SHTN1: variants seen among roughly 807,000 people sequenced by gnomAD.
SHTN1 encodes shootin 1.
In SHTN1, 42 loss-of-function variants were observed where a neutral mutation model predicts 83.1. The ratio of observed to expected loss-of-function variants is 0.51; its 90% CI spans 0.39 to 0.65. SHTN1 has a LOEUF of 0.65. Ranked by LOEUF, SHTN1 falls within the 30% of genes least tolerant of loss-of-function variation. SHTN1 has a pLI of 0.00. For missense variants in SHTN1, 622 were observed against 737.8 expected (o/e 0.84, Z 1.82); for synonymous variants, 224 against 247.7 (o/e 0.90, Z 0.90).
At chr10:116,932,178 C>A (rs994612362) in intron 9 of SHTN1, among the ~76,000 whole-genome samples, 1 of 152,146 alleles carries the variant, frequency 6.6e-6, no homozygotes, top group Non-Finnish European at 1.5e-5. Flanking sequence ...CATGATCATG[C>A]GAGTAAATAA....
Position 116,884,596 on chromosome 10 carries a change from T to C in SHTN1, c.*1748A>G, listed in dbSNP as rs924442702. The C allele has an allele frequency of 1.5e-5, 3 of 199,566 alleles. No individual in the cohort carries two copies. The highest frequency in any genetic ancestry group is 5.3e-5 in the Admixed American group (1 of 18,786). 12.4% of individuals were successfully genotyped at this position (199,566 alleles called of 1,614,324 possible). A position where few individuals can be genotyped will look rare whatever the true frequency, so the allele number is the denominator to read the frequency against. ...GTACATATTTTTATATTCCTAAATG[T>C]GTGTGAGTTGCATGCTGGCAGACAG... On this transcript the variant is annotated 3_prime_UTR_variant, in exon 17 of 17. Coordinates refer to ENST00000355371, the MANE Select transcript of SHTN1 (RefSeq NM_001127211.3).
chr10:116,899,271 G>A lies in SHTN1; in HGVS notation c.1673+2494C>T, dbSNP rs78044430. Among the ~76,000 whole-genome samples, 220 of 152,250 alleles carry A rather than the reference G, an allele frequency of 1.4e-3. 6 individuals are homozygous for A. In the East Asian group the frequency reaches 0.032, roughly 22 times the overall value. On this transcript the variant is annotated intron_variant, in intron 16 of 16. Transcript: ENST00000355371. The stretch of plus-strand genomic sequence containing the variant: ...GATAACTGCTCTAGGGAGAAATGAC[G>A]TAGGATAAGGGGGAATCAGAGCTTA...
intron 2 of SHTN1, among the ~76,000 whole-genome samples, chr10:116,978,615 G>T (rs1850897502): frequency 6.6e-6 from 1 of 150,566 alleles, no homozygotes; most frequent in African/African-American, 2.4e-5. Context: ...TATATTATTA[G>T]CTATATATAT....
chr10:116,951,989 C>T lies in SHTN1; in HGVS notation c.454G>A (p.Val152Ile), dbSNP rs770621623. 3 of 1,522,936 alleles carry T rather than the reference C, an allele frequency of 2.0e-6. No homozygotes were observed. Among genetic ancestry groups the T allele is most frequent in the Non-Finnish European group, 1.8e-6 (2 of 1,131,352 alleles). The allele number at this position is 1,522,936 out of a possible 1,614,324, so 94.3% of individuals were successfully genotyped here. ...ATCTTCTTTTCCTCCTGAACAGATA[C>T]AATTTGATCTCGAAGTTCTGCATTT... Reference protein sequence around the residue: ...KQIKELRDQIVSVQEEKKILA... With the variant: ...KQIKELRDQIISVQEEKKILA... Residue 152 changes from valine (V) to isoleucine (I), a missense_variant, in exon 6 of 17, where the codon GTA becomes ATA. This residue lies in a region of SHTN1 where 383 missense variants were observed against 455.8 expected (regional missense o/e 0.84). Coordinates refer to ENST00000355371, the MANE Select transcript of SHTN1 (RefSeq NM_001127211.3).
chr10:117,034,954 T>C (rs1852474019), intron 2 of SHTN1, among the ~76,000 whole-genome samples: 2 of 152,104 alleles, frequency 1.3e-5, no homozygotes, highest in East Asian at 1.9e-4. Context: ...CCAATGACAT[T>C]GTTCACAGAA....
intron 1 of SHTN1, among the ~76,000 whole-genome samples, chr10:117,003,446 G>A (rs1310061042): frequency 1.3e-5 from 2 of 150,580 alleles, no homozygotes; most frequent in Non-Finnish European, 2.9e-5. Context: ...GGATATCACA[G>A]AAGAATGTGT....
At chr10:116,937,843 T>C (rs535706314) in intron 9 of SHTN1, among the ~76,000 whole-genome samples, 25 of 152,186 alleles carry the variant, frequency 1.6e-4, no homozygotes, top group African/African-American at 5.8e-4. Flanking sequence ...CCATATTTCT[T>C]GGAGGCTTTG....
At chr10:116,907,233 T>C (rs942191755) in intron 14 of SHTN1, among the ~76,000 whole-genome samples, 1 of 152,140 alleles carries the variant, frequency 6.6e-6, no homozygotes, top group African/African-American at 2.4e-5. Flanking sequence ...CGTGGCGTCG[T>C]AGCTGTCAAA....
At chr10:116,989,872 G>A (rs1419617930) in intron 1 of SHTN1, among the ~76,000 whole-genome samples, 1 of 152,180 alleles carries the variant, frequency 6.6e-6, no homozygotes, top group African/African-American at 2.4e-5. Context: ...ACAGGAGTCT[G>A]TCCCAATTAC....
intron 1 of SHTN1, among the ~76,000 whole-genome samples, chr10:117,084,909 C>T (rs1454999344): frequency 2.0e-5 from 3 of 152,054 alleles, no homozygotes; most frequent in Admixed American, 6.5e-5. Context: ...GCACGGTGCG[C>T]GCCCCCACTG....
At chr10:116,946,246 G>A (rs1187689516) in intron 7 of SHTN1, among the ~76,000 whole-genome samples, 1 of 148,372 alleles carries the variant, frequency 6.7e-6, no homozygotes, top group African/African-American at 2.5e-5. Flanking sequence ...TATATGTAGA[G>A]AGAGTTTTTT....
intron 1 of SHTN1, among the ~76,000 whole-genome samples, chr10:116,993,721 A>G (rs1851526394): frequency 6.6e-6 from 1 of 152,186 alleles, no homozygotes; most frequent in African/African-American, 2.4e-5. Flanking sequence ...TTAAACAGAT[A>G]CAGCAGGATA....
At chr10:117,058,790 A>G (rs557328570) in intron 1 of SHTN1, among the ~76,000 whole-genome samples, 1 of 152,264 alleles carries the variant, frequency 6.6e-6, no homozygotes, top group Non-Finnish European at 1.5e-5. Flanking sequence ...ATATACATAC[A>G]GTGGAATACT....
intron 4 of SHTN1, among the ~76,000 whole-genome samples, chr10:116,958,182 A>G (rs1589843027): frequency 6.6e-6 from 1 of 152,062 alleles, no homozygotes. Context: ...TGCTCTCAGG[A>G]AAAAAAATGA....
At chr10:117,010,160 A>G (rs976469746), upstream of SHTN1, among the ~76,000 whole-genome samples, 4 of 143,302 alleles carry the variant, frequency 2.8e-5, no homozygotes, top group Non-Finnish European at 6.1e-5. Context: ...GAAAGTATCA[A>G]AATTGACAAT....
At chr10:117,086,560 T>C (rs1392689297) in intron 1 of SHTN1, among the ~76,000 whole-genome samples, 1 of 152,234 alleles carries the variant, frequency 6.6e-6, no homozygotes, top group Admixed American at 6.5e-5. Context: ...GTTTTAATTT[T>C]AGTGTTTTAT....
rs1180777457 is a variant in SHTN1, at chr10:116,884,528, C to A, written c.*1816G>T. ...TCTAGAAAGGAGGGTATTTTGATAA[C>A]CATATTATTCTGTGATGGTGTGATG... On this transcript the variant is annotated 3_prime_UTR_variant, in exon 17 of 17. Coordinates refer to ENST00000355371, the MANE Select transcript of SHTN1 (RefSeq NM_001127211.3). 3 of 315,158 alleles carry A rather than the reference C, an allele frequency of 9.5e-6. No homozygotes were observed. The Admixed American group carries it at 1.3e-4, about 13-fold the overall frequency. 19.5% of individuals were successfully genotyped at this position (315,158 alleles called of 1,614,324 possible).
chr10:117,101,991 C>A (rs1380957051), intron 1 of SHTN1, among the ~76,000 whole-genome samples: 1 of 139,974 alleles, frequency 7.1e-6, no homozygotes, highest in East Asian at 2.1e-4. Flanking sequence ...CAGTTGGGAA[C>A]AGACTGTGAG....
rs765752423 is a variant in SHTN1, at chr10:117,054,733, T to G, written c.-188-6223A>C. Among the ~76,000 whole-genome samples the G allele has an allele frequency of 7.9e-5, 12 of 152,182 alleles. No individual in the cohort carries two copies. The South Asian group carries it at 8.3e-4, about 11-fold the overall frequency. On this transcript the variant is annotated intron_variant, in intron 1 of 17. Coordinates refer to the SHTN1 transcript ENST00000392901. ...GCATCCTTATCTTAACTTAAATATT[T>G]CTTTCTGCTGACTTCAAGGTATAGA...
Sources: allele counts gnomAD v4.1 joint callset (sites outside exome capture counted in the v4.1 genomes callset), GRCh38; gene constraint gnomAD v4.1.1; regional missense constraint gnomAD v4.1.1; transcripts MANE v1.5; gene names NCBI Gene and HGNC (gene_info 2026-07-23, HGNC 2026-07-21).